Variants in DMBX1 observed in about 807,000 individuals in gnomAD.
The protein encoded by DMBX1 is diencephalon/mesencephalon homeobox 1, also known as diencephalon/mesencephalon homeobox protein 1.
In DMBX1, 7 loss-of-function variants were observed where a neutral mutation model predicts 30.4. The observed-to-expected ratio is 0.23, with a 90% CI of 0.13 to 0.43. DMBX1 has a LOEUF of 0.43. Ranked by LOEUF, DMBX1 falls within the 20% of genes least tolerant of loss-of-function variation. DMBX1 has a pLI of 1.00. For synonymous variants in DMBX1, 222 were observed against 214.2 expected (o/e 1.04, Z -0.32); for missense variants, 460 against 508.5 (o/e 0.90, Z 0.92).
At chr1:46,500,642 C>T (rs1666107931) in intron 2 of DMBX1, among the ~76,000 whole-genome samples, 1 of 148,650 alleles carries the variant, frequency 6.7e-6, no homozygotes, top group Admixed American at 6.9e-5. Context: ...CCTCTGTTAA[C>T]ATTTCAGGTT....
rs534145955 is a variant in DMBX1, at chr1:46,503,983, A to T, written c.-12-3016A>T. 2.6e-4 allele frequency among the ~76,000 whole-genome samples: 39 copies of T among 152,360 alleles called. 1 individual carries two copies. The South Asian group carries it at 6.6e-3, about 26-fold the overall frequency. The stretch of plus-strand genomic sequence containing the variant: ...CTCAGTAGGATGGATGTCTTCTCTG[A>T]TGAATGGAATATTTCCTTGGAACAA... On this transcript the variant is annotated intron_variant, in intron 2 of 5. Coordinates refer to ENST00000360032, the MANE Select transcript of DMBX1 (RefSeq NM_172225.2).
At chr1:46,496,049 G>T (rs1666018875) in intron 2 of DMBX1, among the ~76,000 whole-genome samples, 1 of 152,232 alleles carries the variant, frequency 6.6e-6, no homozygotes, top group African/African-American at 2.4e-5. Flanking sequence ...GAGAGCCCTT[G>T]TTGGGAAGAA....
intron 3 of DMBX1, 147 bp downstream of exon 3, chr1:46,507,311 G>A (rs1009283558): frequency 1.8e-6 from 2 of 1,103,234 alleles, no homozygotes; most frequent in Non-Finnish European, 1.3e-6. Context: ...ACAGAGAGAT[G>A]TCAATTCAAA....
rs1666341737 is a variant in DMBX1 at position 46,510,481 on chromosome 1, A to G, written c.160A>G (p.Ile54Val). 1.9e-6 allele frequency: 3 copies of G among 1,613,770 alleles called. No individual in the cohort carries two copies. The highest frequency in any genetic ancestry group is 2.5e-6 in the Non-Finnish European group (3 of 1,179,956). The change falls in exon 4 of 6, where the codon ATC (isoleucine) becomes GTC (valine). Residue 54 changes from isoleucine (I) to valine (V), a missense_variant. This residue lies in a region of DMBX1 where 124 missense variants were observed against 144.0 expected (regional missense o/e 0.86). Coordinates refer to ENST00000360032, the MANE Select transcript of DMBX1 (RefSeq NM_172225.2). This position sits in a 1 kb window ranked among gnomAD's most constrained non-coding sequence, Gnocchi z 4.1. Reference protein sequence around the residue: ...LTLAERLADIILEARYGSQHR... With the variant: ...LTLAERLADIVLEARYGSQHR... ...CAACGGCTGTACATTTCAAGACATC[A>G]TCTTGGAGGCCCGTTATGGTTCCCA... is the stretch of plus-strand genomic sequence containing the variant.
At chr1:46,509,050 C>T (rs1371672890) in intron 3 of DMBX1, among the ~76,000 whole-genome samples, 1 of 152,022 alleles carries the variant, frequency 6.6e-6, no homozygotes, top group Non-Finnish European at 1.5e-5. Flanking sequence ...TTCCTGGATA[C>T]CCAGTTGCCT....
chr1:46,507,931 G>C (rs1428528356), intron 3 of DMBX1, among the ~76,000 whole-genome samples: 1 of 152,056 alleles, frequency 6.6e-6, no homozygotes, highest in Non-Finnish European at 1.5e-5. Flanking sequence ...GGTGCTCAGA[G>C]GTCATTATTA....
At chr1:46,504,432 T>C (rs542225653) in intron 2 of DMBX1, among the ~76,000 whole-genome samples, 3,500 of 84,562 alleles carry the variant, frequency 0.041, no homozygotes, top group African/African-American at 0.1. Flanking sequence ...TTTCTACGTA[T>C]GGCTAGCCAG....
At chr1:46,511,322 G>A in intron 5 of DMBX1, 39 bp downstream of exon 5, 1 of 1,484,998 alleles carries the variant, frequency 6.7e-7, no homozygotes, top group Non-Finnish European at 9.0e-7. Flanking sequence ...CTGGGGTCTG[G>A]GGGCCCTGAG....
At chr1:46,503,028 C>G (rs1040940724) in intron 2 of DMBX1, among the ~76,000 whole-genome samples, 1 of 152,230 alleles carries the variant, frequency 6.6e-6, no homozygotes, top group Non-Finnish European at 1.5e-5. Flanking sequence ...TACAATGGGC[C>G]GTGGAGCCCT....
intron 2 of DMBX1, among the ~76,000 whole-genome samples, chr1:46,502,214 T>C (rs1469230120): frequency 3.3e-5 from 5 of 152,204 alleles, no homozygotes; most frequent in African/African-American, 1.2e-4. Flanking sequence ...GAAGTTGGAT[T>C]CACGTGTCAG....
rs12030187 is a variant in DMBX1 at position 46,497,264 on chromosome 1, G to C, written c.-13+6481G>C. On this transcript the variant is annotated intron_variant, in intron 2 of 5. Transcript: ENST00000360032. ...GGGATAATTATACCTATCTGGAAGG[G>C]TTGTGTTGAAGTTTATTAGGTGATA... 1.9e-3 allele frequency among the ~76,000 whole-genome samples: 288 copies of C among 152,300 alleles called. 10 individuals carry two copies. In the East Asian group the frequency reaches 0.05, roughly 27 times the overall value.
chr1:46,490,545 A>T (rs964762121), intron 1 of DMBX1, among the ~76,000 whole-genome samples, 99 bp from the exon 2 acceptor site: 1 of 152,126 alleles, frequency 6.6e-6, no homozygotes, highest in Admixed American at 6.5e-5. Flanking sequence ...CAGCCTGCGG[A>T]GCGCAGAGGC....
intron 2 of DMBX1, among the ~76,000 whole-genome samples, chr1:46,497,853 C>G (rs926948843): frequency 6.6e-6 from 1 of 152,230 alleles, no homozygotes; most frequent in African/African-American, 2.4e-5. Context: ...ATTCTTTTAA[C>G]CAATGTAAGC....
At chr1:46,507,545 C>G (rs1009335827) in intron 3 of DMBX1, among the ~76,000 whole-genome samples, 1 of 152,154 alleles carries the variant, frequency 6.6e-6, no homozygotes, top group Non-Finnish European at 1.5e-5. Flanking sequence ...AGAGTTCAGG[C>G]ACAGGGAATT....
Position 46,510,855 on chromosome 1 carries a change from A to G in DMBX1, c.334-80A>G. The G allele has an allele frequency of 7.0e-7, 1 of 1,430,930 alleles. No individual in the cohort carries two copies. Among genetic ancestry groups the G allele is most frequent in the Non-Finnish European group, 9.4e-7 (1 of 1,067,112 alleles). The allele number at this position is 1,430,930 out of a possible 1,614,324, so 88.6% of individuals were successfully genotyped here. On this transcript the variant is annotated intron_variant, in intron 4 of 5. Transcript: ENST00000360032. This position sits in a 1 kb window ranked among gnomAD's most constrained non-coding sequence, Gnocchi z 4.1. ...GGGGTGGGGGGATGTTATCACGTAC[A>G]TCCTCTCCCAGAGCACCCTGCTCCA...
rs766266454 is a variant in DMBX1, at chr1:46,507,004, T to C, written c.-7T>C. On this transcript the variant is annotated 5_prime_UTR_variant, in exon 3 of 6. The change abolishes an upstream ATG in the 5' untranslated region. Coordinates refer to ENST00000360032, the MANE Select transcript of DMBX1 (RefSeq NM_172225.2). The stretch of plus-strand genomic sequence containing the variant: ...TCTCCCTTTTCCGTCTGTAGGCGGA[T>C]GCCGCCATGCAGCACTACGGGGTGA... 1.2e-6 allele frequency: 2 copies of C among 1,613,894 alleles called. No individual in the cohort carries two copies. The highest frequency in any genetic ancestry group is 1.7e-6 in the Non-Finnish European group (2 of 1,179,926).
At chr1:46,499,430 C>T (rs1233783833) in intron 2 of DMBX1, among the ~76,000 whole-genome samples, 23 of 152,168 alleles carry the variant, frequency 1.5e-4, no homozygotes, top group Admixed American at 3.3e-4. Context: ...AGATCCTGTG[C>T]GACTGGGGTT....
intron 2 of DMBX1, among the ~76,000 whole-genome samples, chr1:46,502,556 G>GT (rs1175268343): frequency 1.3e-5 from 2 of 152,076 alleles, no homozygotes; most frequent in Non-Finnish European, 2.9e-5. Context: ...CATCTCTGCA[G>GT]TTTTTTCTCT....
At chr1:46,508,897 G>A (rs916102047) in intron 3 of DMBX1, among the ~76,000 whole-genome samples, 1 of 151,510 alleles carries the variant, frequency 6.6e-6, no homozygotes, top group African/African-American at 2.4e-5. Flanking sequence ...ACCAGAGTGG[G>A]GCTGACAGAG....
Sources: gnomAD v4.1 joint callset for allele counts (sites outside exome capture counted in the v4.1 genomes callset) on GRCh38, gnomAD v4.1.1 for gene constraint, gnomAD v4.1.1 regional missense constraint, Gnocchi (gnomAD v3.1) non-coding constraint, MANE v1.5 for transcripts, NCBI Gene and HGNC (gene_info 2026-07-23, HGNC 2026-07-21) for gene names.